Variants in DLGAP2 observed in about 807,000 individuals in gnomAD.
DLGAP2 encodes the protein disks large-associated protein 2.
In DLGAP2, 26 loss-of-function variants were observed where a neutral mutation model predicts 100.3. The ratio of observed to expected loss-of-function variants is 0.26; its 90% CI spans 0.19 to 0.36. The LOEUF (loss-of-function observed/expected upper bound fraction) is 0.36, where lower values mean the gene tolerates loss of function less well. DLGAP2 is among the 10% of genes least tolerant of loss of function. DLGAP2 has a pLI of 1.00. For missense variants in DLGAP2, 1,858 were observed against 1,453.2 expected, an observed-to-expected ratio of 1.28 and a Z score of -4.53; for synonymous variants, 886 against 630.1, an observed-to-expected ratio of 1.41 and a Z score of -6.08.
At chr8:1,373,327 C>G (rs1802295691) in intron 3 of DLGAP2, among the ~76,000 whole-genome samples, 1 of 145,650 alleles carries the variant, frequency 6.9e-6, no homozygotes, top group African/African-American at 2.4e-5. Flanking sequence ...GACGGGCGGG[C>G]CCTTCCGGAG....
At chr8:1,419,924 C>A (rs887111298) in intron 3 of DLGAP2, among the ~76,000 whole-genome samples, 2 of 152,162 alleles carry the variant, frequency 1.3e-5, no homozygotes, top group Non-Finnish European at 2.9e-5. Flanking sequence ...ACCTGAGTGT[C>A]CATCAACAGA....
chr8:1,654,086 A>G lies in DLGAP2; in HGVS notation c.1811-14243A>G, dbSNP rs79569503. ...CTCATCATCAAATAAAATACCACCT[A>G]CAGAATTAGCCCTCCCTTGAAATCT... On this transcript the variant is annotated intron_variant, in intron 8 of 14. Coordinates refer to ENST00000637795, the MANE Select transcript of DLGAP2 (RefSeq NM_001346810.2). 7.4e-3 allele frequency among the ~76,000 whole-genome samples: 1,121 copies of G among 152,300 alleles called. 16 individuals carry two copies. Among genetic ancestry groups the G allele is most frequent in the African/African-American group, 0.025 (1,059 of 41,558 alleles).
At chr8:1,329,806 CTG>C (rs1000317764) in intron 3 of DLGAP2, among the ~76,000 whole-genome samples, 2 of 152,242 alleles carry the variant, frequency 1.3e-5, no homozygotes, top group African/African-American at 4.8e-5. Flanking sequence ...CCCTATCAAA[CTG>C]GGGCTGGATT....
chr8:1,026,098 G>C (rs1030015641), intron 2 of DLGAP2, among the ~76,000 whole-genome samples: 3 of 152,208 alleles, frequency 2.0e-5, no homozygotes, highest in African/African-American at 7.2e-5. Flanking sequence ...TGGCAGAAAC[G>C]GAGCTCAGCT....
chr8:998,293 A>T (rs1220715843), intron 2 of DLGAP2, among the ~76,000 whole-genome samples: 1 of 151,970 alleles, frequency 6.6e-6, no homozygotes, highest in East Asian at 1.9e-4. Flanking sequence ...GCTCATCTTT[A>T]CTTTTAGTCA....
At chr8:990,147 T>A (rs1800615751) in intron 2 of DLGAP2, among the ~76,000 whole-genome samples, 3 of 152,010 alleles carry the variant, frequency 2.0e-5, no homozygotes, top group African/African-American at 7.3e-5. Context: ...TGATTTGAGC[T>A]CCATCCATGG....
intron 2 of DLGAP2, among the ~76,000 whole-genome samples, chr8:945,433 G>GT (rs1402449765): frequency 1.3e-5 from 2 of 152,148 alleles, no homozygotes; most frequent in Non-Finnish European, 2.9e-5. Flanking sequence ...GCATTTCTGT[G>GT]TTTATTGTTA....
intron 3 of DLGAP2, among the ~76,000 whole-genome samples, chr8:1,290,753 A>G (rs2116969526): frequency 6.6e-6 from 1 of 152,340 alleles, no homozygotes; most frequent in South Asian, 2.1e-4. Context: ...AAATGCTAAA[A>G]TGCTGCGTGC....
At chr8:1,206,221 A>T (rs1797986326) in intron 2 of DLGAP2, among the ~76,000 whole-genome samples, 2 of 152,090 alleles carry the variant, frequency 1.3e-5, no homozygotes, top group Non-Finnish European at 2.9e-5. Context: ...GTGTTTGAGC[A>T]CCACAGTCTC....
At chr8:1,441,430 C>T (rs1056182657) in intron 3 of DLGAP2, among the ~76,000 whole-genome samples, 8 of 152,122 alleles carry the variant, frequency 5.3e-5, no homozygotes, top group Admixed American at 4.6e-4. Context: ...TGGCTCACTC[C>T]TGTAATCACA....
At chr8:1,222,326 AT>A (rs961511885) in intron 2 of DLGAP2, among the ~76,000 whole-genome samples, 9 of 151,962 alleles carry the variant, frequency 5.9e-5, no homozygotes, top group African/African-American at 2.2e-4. Context: ...AGTTCACTTT[AT>A]TTCTGGAAGA....
intron 2 of DLGAP2, among the ~76,000 whole-genome samples, chr8:1,092,709 C>G (rs914810470): frequency 6.6e-6 from 1 of 152,140 alleles, no homozygotes. Context: ...AATCCTGAAG[C>G]CAGAGAGGAA....
intron 6 of DLGAP2, among the ~76,000 whole-genome samples, chr8:1,566,315 C>T (rs915018192): frequency 6.6e-6 from 1 of 152,156 alleles, no homozygotes; most frequent in African/African-American, 2.4e-5. Flanking sequence ...CTAGGCAACA[C>T]ATTTTTTTGT....
chr8:1,110,682 A>C (rs1804926955), intron 2 of DLGAP2, among the ~76,000 whole-genome samples: 1 of 150,956 alleles, frequency 6.6e-6, no homozygotes, highest in African/African-American at 2.4e-5. Flanking sequence ...TCTGCAAGTA[A>C]CTGCTTTCCA....
At chr8:1,631,881 C>T (rs1585015265) in intron 7 of DLGAP2, among the ~76,000 whole-genome samples, 1 of 152,304 alleles carries the variant, frequency 6.6e-6, no homozygotes, top group Middle Eastern at 3.4e-3. Context: ...AGAGGGAGAA[C>T]CTGATTCTTT....
chr8:1,427,645 C>T (rs113158837), intron 3 of DLGAP2, among the ~76,000 whole-genome samples: 6 of 152,246 alleles, frequency 3.9e-5, no homozygotes, highest in African/African-American at 1.2e-4. Context: ...GCTCTGTTGT[C>T]TTGATAGTGA....
At chr8:963,955 G>T (rs1214394700) in intron 2 of DLGAP2, among the ~76,000 whole-genome samples, 2 of 152,122 alleles carry the variant, frequency 1.3e-5, no homozygotes, top group African/African-American at 4.8e-5. Flanking sequence ...TTATCCTCTA[G>T]AGATCACTTA....
At chr8:1,678,928 G>T (rs1798877588) in intron 12 of DLGAP2, 3 of 335,976 alleles carry the variant, frequency 8.9e-6, no homozygotes, top group Admixed American at 4.8e-5. Context: ...CCACTTAGCA[G>T]TTCTCTTGAA....
At chr8:1,213,804 G>T (rs1344181540) in intron 2 of DLGAP2, among the ~76,000 whole-genome samples, 1 of 152,154 alleles carries the variant, frequency 6.6e-6, no homozygotes, top group African/African-American at 2.4e-5. Context: ...TGGCCATTGT[G>T]CTCAGCCACC....
Sources: gnomAD v4.1 joint callset for allele counts (sites outside exome capture counted in the v4.1 genomes callset) on GRCh38, gnomAD v4.1.1 for gene constraint, MANE v1.5 for transcripts, NCBI Gene and HGNC (gene_info 2026-07-23, HGNC 2026-07-21) for gene names.